Variants in PLEKHS1 observed in about 807,000 individuals in gnomAD.
PLEKHS1 encodes the protein pleckstrin homology domain-containing family S member 1.
A neutral mutation model predicts 51.0 loss-of-function variants in PLEKHS1; 55 were observed. The ratio of observed to expected loss-of-function variants is 1.08; its 90% confidence interval spans 0.87 to 1.35. The LOEUF is 1.35. PLEKHS1 is among the 40% of genes most tolerant of loss of function. The pLI is 0.00. For synonymous variants in PLEKHS1, 153 were observed against 144.8 expected, an observed-to-expected ratio of 1.06 and a Z score of -0.41; for missense variants, 398 against 423.0, an observed-to-expected ratio of 0.94 and a Z score of 0.52.
At chr10:113,776,737 GACATC>G (rs1844684167) in intron 11 of PLEKHS1, among the ~76,000 whole-genome samples, 1 of 152,182 alleles carries the variant, frequency 6.6e-6, no homozygotes, top group African/African-American at 2.4e-5. Flanking sequence ...ACAAAAAGGT[GACATC>G]ATACTTCTGG....
intron 4 of PLEKHS1, 135 bp from the exon 5 acceptor site, chr10:113,767,210 T>C: frequency 1.6e-6 from 1 of 634,560 alleles, no homozygotes. Context: ...ACTTATCTTC[T>C]AAAATTATTG....
At chr10:113,779,839 C>T (rs952859307) in intron 11 of PLEKHS1, among the ~76,000 whole-genome samples, 6 of 152,158 alleles carry the variant, frequency 3.9e-5, no homozygotes, top group Non-Finnish European at 8.8e-5. Context: ...ATAACAGCCC[C>T]TACATGCTAT....
chr10:113,771,152 T>A (rs184003535), intron 7 of PLEKHS1: 2 of 152,310 alleles, frequency 1.3e-5, no homozygotes, highest in East Asian at 3.9e-4. Context: ...AGTGGTTGAA[T>A]CTAGATCACC....
At chr10:113,760,735 T>C (rs1843884548) in intron 2 of PLEKHS1, among the ~76,000 whole-genome samples, 1 of 152,196 alleles carries the variant, frequency 6.6e-6, no homozygotes. Flanking sequence ...ATATGATTTT[T>C]GAATATTTTA....
chr10:113,777,811 A>T, intron 11 of PLEKHS1: 1 of 1,410,070 alleles, frequency 7.1e-7, no homozygotes, highest in Non-Finnish European at 9.3e-7. Context: ...ACTTCCTCAT[A>T]GAATATTGCA....
At chr10:113,773,795 G>A (rs185596957) in intron 8 of PLEKHS1, among the ~76,000 whole-genome samples, 2 of 152,244 alleles carry the variant, frequency 1.3e-5, no homozygotes, top group East Asian at 3.9e-4. Context: ...CTAGAACATT[G>A]CAATGTCCCT....
chr10:113,753,154 C>T (rs1442926019), intron 1 of PLEKHS1, among the ~76,000 whole-genome samples: 2 of 152,098 alleles, frequency 1.3e-5, no homozygotes, highest in Non-Finnish European at 2.9e-5. Flanking sequence ...CAGCTAATCT[C>T]TCCTGCACAT....
chr10:113,772,087 G>A lies in PLEKHS1; in HGVS notation c.670G>A (p.Glu224Lys), dbSNP rs1401802314. ...TCTTACTCCTCGAAGTGTTCTTTTAGAGGTAACCCCTTCTTGTCCATTCAT... is the reference window on the plus strand; with the variant it reads ...TCTTACTCCTCGAAGTGTTCTTTTAAAGGTAACCCCTTCTTGTCCATTCAT... Residue 224 changes from glutamate (E) to lysine (K), a missense_variant and splice_region_variant, in exon 8 of 12, where the codon GAG becomes AAG. Physicochemically the swap from Glu to Lys is moderately conservative, Grantham distance 56. Coordinates refer to ENST00000361048, the Ensembl canonical transcript of PLEKHS1. 3.1e-6 allele frequency: 5 copies of A among 1,611,696 alleles called. No individual in the cohort carries two copies. The African/African-American group carries it at 5.3e-5, about 17-fold the overall frequency.
intron 2 of PLEKHS1, among the ~76,000 whole-genome samples, chr10:113,755,746 T>C (rs1198471810): frequency 3.9e-5 from 6 of 152,186 alleles, no homozygotes; most frequent in Admixed American, 3.3e-4. Context: ...TCTGTGACAA[T>C]GATTCTTGGT....
At chr10:113,777,723 A>G in intron 11 of PLEKHS1, 1 of 1,494,900 alleles carries the variant, frequency 6.7e-7, no homozygotes. Context: ...TACTTCTACT[A>G]CAACTGACCA....
At chr10:113,770,075 G>C (rs770675534) in intron 7 of PLEKHS1, among the ~76,000 whole-genome samples, 175 bp downstream of exon 7, 80 of 152,200 alleles carry the variant, frequency 5.3e-4, no homozygotes, top group Admixed American at 1.2e-3. Context: ...GCCTCACTGA[G>C]GGCTTGCCCT....
In PLEKHS1 at chr10:113,774,303, T is replaced by C. The variant is rs548941439; in HGVS notation, c.749T>C (p.Ile250Thr). 451 of 1,587,260 alleles carry C rather than the reference T, an allele frequency of 2.8e-4. 11 individuals are homozygous for C. In the South Asian group the frequency reaches 4.3e-3, roughly 15 times the overall value. ...GGTCCAGACCAGGTCTCTGGAAGAA[T>C]TGAGTGTCATTATGAGCCAATGGAA... is the stretch of plus-strand genomic sequence containing the variant. Residue 250 changes from isoleucine (I) to threonine (T), a missense_variant, in exon 9 of 12, where the codon ATT becomes ACT. Transcript: ENST00000361048.
exon 10 of PLEKHS1, chr10:113,774,974 A>G: frequency 6.2e-7 from 1 of 1,614,154 alleles, no homozygotes; most frequent in Non-Finnish European, 8.5e-7. Flanking sequence ...GGAAGCACAG[A>G]CCACAAATGA....
At chr10:113,782,374 T>A (rs1844889379) in exon 12 of PLEKHS1, 1 of 152,206 alleles carries the variant, frequency 6.6e-6, no homozygotes, top group South Asian at 2.1e-4. Context: ...TCAAATACAT[T>A]TCATTTCCTG....
intron 6 of PLEKHS1, 59 bp from the exon 7 acceptor site, chr10:113,769,725 C>A: frequency 9.5e-7 from 1 of 1,048,682 alleles, no homozygotes. Flanking sequence ...AGAGAGGCTG[C>A]CGTTTCATTC....
intron 11 of PLEKHS1, 142 bp downstream of exon 11, chr10:113,776,008 C>T: frequency 1.8e-6 from 1 of 551,586 alleles, no homozygotes; most frequent in Non-Finnish European, 3.0e-6. Context: ...GCTGTTGTTA[C>T]AAAAAAATCT....
At chr10:113,775,292 A>G (rs963023233) in intron 10 of PLEKHS1, among the ~76,000 whole-genome samples, 2 of 152,040 alleles carry the variant, frequency 1.3e-5, no homozygotes, top group Non-Finnish European at 2.9e-5. Flanking sequence ...CTACTCTTTC[A>G]GGTCCCAGGA....
At chr10:113,781,871 G>A (rs1385014097) in exon 12 of PLEKHS1, 1 of 152,678 alleles carries the variant, frequency 6.5e-6, no homozygotes, top group African/African-American at 2.4e-5. Flanking sequence ...AGAGTGCTGA[G>A]ACAGAGTGGC....
Position 113,769,594 on chromosome 10 carries a change from TCAA to T in PLEKHS1, c.436-189_436-187del, listed in dbSNP as rs1422252280. Among the ~76,000 whole-genome samples, 7 of 152,286 alleles carry T rather than the reference TCAA, an allele frequency of 4.6e-5. No individual in the cohort carries two copies. The South Asian group carries it at 1.2e-3, about 27-fold the overall frequency. ...TCTCTGAGGGTCAGGCTAAATGTCCTCAAGGGTTTGGAAACAGGAGAGAGACAA... is the reference window on the plus strand; with the variant it reads ...TCTCTGAGGGTCAGGCTAAATGTCCTGGGTTTGGAAACAGGAGAGAGACAA... On this transcript the variant is annotated intron_variant, in intron 6 of 11. Coordinates refer to ENST00000361048, the Ensembl canonical transcript of PLEKHS1.
Sources: gnomAD v4.1 joint callset for allele counts (sites outside exome capture counted in the v4.1 genomes callset) on GRCh38, gnomAD v4.1.1 for gene constraint, MANE v1.5 for transcripts, NCBI Gene and HGNC (gene_info 2026-07-23, HGNC 2026-07-21) for gene names.